Variants in SIPA1L2 observed in about 807,000 individuals in gnomAD.
SIPA1L2 encodes signal-induced proliferation-associated 1-like protein 2.
A neutral mutation model predicts 163.9 loss-of-function variants in SIPA1L2; 56 were observed. The observed-to-expected ratio is 0.34, with a 90% CI of 0.28 to 0.43. The LOEUF (loss-of-function observed/expected upper bound fraction) is 0.43. SIPA1L2 is among the 20% of genes least tolerant of loss of function. SIPA1L2 has a pLI of 1.00. For synonymous variants in SIPA1L2, 877 were observed against 865.7 expected (o/e 1.01, Z -0.23); for missense variants, 1,974 against 2,193.5 (o/e 0.90, Z 2.00).
chr1:232,480,306 CT>C (rs1347000366), intron 6 of SIPA1L2, among the ~76,000 whole-genome samples: 1 of 152,098 alleles, frequency 6.6e-6, no homozygotes, highest in Non-Finnish European at 1.5e-5. Context: ...TTGAATATGT[CT>C]TTCCCTGAAT....
intron 1 of SIPA1L2, among the ~76,000 whole-genome samples, chr1:232,620,949 T>A (rs1441325932): frequency 6.6e-6 from 1 of 152,258 alleles, no homozygotes; most frequent in Non-Finnish European, 1.5e-5. Flanking sequence ...TGAATCCTTT[T>A]AAATATTTAA....
At chr1:232,418,241 G>A (rs1572866902) in intron 18 of SIPA1L2, among the ~76,000 whole-genome samples, 1 of 152,260 alleles carries the variant, frequency 6.6e-6, no homozygotes, top group African/African-American at 2.4e-5. Flanking sequence ...AGACAAGAGG[G>A]GTAAAATGCA....
chr1:232,443,019 G>T (rs1662995197), intron 12 of SIPA1L2, among the ~76,000 whole-genome samples: 1 of 152,168 alleles, frequency 6.6e-6, no homozygotes, highest in South Asian at 2.1e-4. Flanking sequence ...CCAACCCAAA[G>T]CAGCACCAAG....
intron 7 of SIPA1L2, among the ~76,000 whole-genome samples, chr1:232,471,737 T>C (rs1007866820): frequency 2.9e-4 from 44 of 152,218 alleles, no homozygotes; most frequent in African/African-American, 1.0e-3. Context: ...TTTAAGTTTA[T>C]CTCTTTTATT....
chr1:232,568,854 A>C (rs1659555924), intron 2 of SIPA1L2, among the ~76,000 whole-genome samples: 1 of 152,208 alleles, frequency 6.6e-6, no homozygotes, highest in Admixed American at 6.5e-5. Context: ...GAGGACACAC[A>C]GATCCACAGT....
intron 11 of SIPA1L2, among the ~76,000 whole-genome samples, chr1:232,444,629 A>G (rs1436248926): frequency 6.6e-6 from 1 of 152,040 alleles, no homozygotes; most frequent in Non-Finnish European, 1.5e-5. Context: ...TAATATTTAT[A>G]TAAGCTGACT....
At chr1:232,452,588 A>G (rs1046415627) in intron 10 of SIPA1L2, among the ~76,000 whole-genome samples, 1 of 152,212 alleles carries the variant, frequency 6.6e-6, no homozygotes, top group African/African-American at 2.4e-5. Context: ...TAATTTGGAC[A>G]CTGGAAGGTG....
At chr1:232,558,521 G>A (rs1202721440) in intron 2 of SIPA1L2, among the ~76,000 whole-genome samples, 1 of 152,198 alleles carries the variant, frequency 6.6e-6, no homozygotes, top group Non-Finnish European at 1.5e-5. Context: ...TTCCCATGGT[G>A]AGCATATTTA....
intron 22 of SIPA1L2, among the ~76,000 whole-genome samples, chr1:232,399,852 C>T (rs746040813): frequency 2.0e-5 from 3 of 152,086 alleles, no homozygotes; most frequent in Non-Finnish European, 4.4e-5. Flanking sequence ...GTTTCAGTTC[C>T]CCCCCTGCTG....
intron 1 of SIPA1L2, among the ~76,000 whole-genome samples, chr1:232,605,743 C>G (rs987734006): frequency 2.0e-5 from 3 of 152,104 alleles, no homozygotes; most frequent in Non-Finnish European, 4.4e-5. Context: ...ATAAGGTACT[C>G]CAAGCCTCAC....
rs574197138 is a variant in SIPA1L2, at chr1:232,475,825, T to C, written c.2085+3802A>G. Among the ~76,000 whole-genome samples the C allele has an allele frequency of 4.6e-5, 7 of 152,340 alleles. No homozygotes were observed. The South Asian group carries it at 1.5e-3, about 32-fold the overall frequency. On this transcript the variant is annotated intron_variant, in intron 7 of 22. Coordinates refer to ENST00000674635, the MANE Select transcript of SIPA1L2 (RefSeq NM_020808.5). The stretch of plus-strand genomic sequence containing the variant: ...CTAAGAATGCAGATCTTTAATGACT[T>C]CATAACAAAGTAAAGATGATAACAG...
At chr1:232,457,906 G>T (rs1350985265) in intron 10 of SIPA1L2, among the ~76,000 whole-genome samples, 3 of 152,056 alleles carry the variant, frequency 2.0e-5, no homozygotes, top group Non-Finnish European at 4.4e-5. Context: ...CTTTTATCAG[G>T]GCACCCAGAC....
intron 1 of SIPA1L2, among the ~76,000 whole-genome samples, chr1:232,586,616 G>A (rs542349873): frequency 6.6e-6 from 1 of 152,334 alleles, no homozygotes; most frequent in Non-Finnish European, 1.5e-5. Context: ...TTCTTTTAAT[G>A]AAGAATTTTT....
intron 2 of SIPA1L2, among the ~76,000 whole-genome samples, chr1:232,568,296 A>T (rs1485810099): frequency 6.6e-6 from 1 of 152,190 alleles, no homozygotes; most frequent in Non-Finnish European, 1.5e-5. Flanking sequence ...AACCTGTGGG[A>T]TCTGACACTA....
intron 7 of SIPA1L2, among the ~76,000 whole-genome samples, chr1:232,478,992 C>A (rs544134279): frequency 6.6e-6 from 1 of 152,176 alleles, no homozygotes; most frequent in Admixed American, 6.5e-5. Flanking sequence ...CTATTTCTAG[C>A]GTAAGATAAA....
At chr1:232,414,039 A>AG (rs1477817834) in intron 19 of SIPA1L2, among the ~76,000 whole-genome samples, 1 of 152,208 alleles carries the variant, frequency 6.6e-6, no homozygotes, top group East Asian at 1.9e-4. Flanking sequence ...CTAGACCACC[A>AG]GCCTGGGGCT....
At chr1:232,621,541 A>C (rs116404673) in intron 1 of SIPA1L2, among the ~76,000 whole-genome samples, 16 of 152,258 alleles carry the variant, frequency 1.1e-4, no homozygotes, top group Non-Finnish European at 1.9e-4. Context: ...ATTAAACCTT[A>C]GTTTTTGTAT....
intron 9 of SIPA1L2, 94 bp from the exon 10 acceptor site, chr1:232,461,255 T>A: frequency 6.7e-7 from 1 of 1,501,284 alleles, no homozygotes; most frequent in Non-Finnish European, 9.0e-7. Context: ...ATGCCAGCCC[T>A]CTCCCTTGGG....
At chr1:232,588,890 A>AGGT in intron 1 of SIPA1L2, among the ~76,000 whole-genome samples, 1 of 152,224 alleles carries the variant, frequency 6.6e-6, no homozygotes, top group Non-Finnish European at 1.5e-5. Flanking sequence ...GTTAACATAC[A>AGGT]GGTGGTTATA....
Sources: allele counts gnomAD v4.1 joint callset (sites outside exome capture counted in the v4.1 genomes callset), GRCh38; gene constraint gnomAD v4.1.1; transcripts MANE v1.5; gene names NCBI Gene and HGNC (gene_info 2026-07-23, HGNC 2026-07-21).